The following TMEM181 variants were observed in gnomAD, a reference collection of about 807,000 sequenced individuals.
The protein encoded by TMEM181 is G protein-coupled receptor 178.
A neutral mutation model predicts 71.9 loss-of-function variants in TMEM181; 39 were observed. The ratio of observed to expected loss-of-function variants is 0.54; its 90% CI spans 0.42 to 0.71. The LOEUF (loss-of-function observed/expected upper bound fraction) is 0.71, where lower values mean the gene tolerates loss of function less well. Among genes scored for constraint, TMEM181 ranks in the 30% least tolerant of loss-of-function variants. The pLI is 0.00. For synonymous variants in TMEM181, 245 were observed against 228.8 expected, an observed-to-expected ratio of 1.07 and a Z score of -0.64; for missense variants, 595 against 583.0, an observed-to-expected ratio of 1.02 and a Z score of -0.21.
chr6:158,622,487 C>T (rs1786022632), intron 10 of TMEM181, among the ~76,000 whole-genome samples: 1 of 152,198 alleles, frequency 6.6e-6, no homozygotes, highest in Middle Eastern at 3.4e-3. Context: ...GGGCGAGCCA[C>T]GTTTGCAGCC....
Position 158,633,841 on chromosome 6 carries a change from C to A in TMEM181, c.*1953C>A, listed in dbSNP as rs1257211907. ...GTGTATTGAAAAAAATTTTCTGTTA[C>A]CAAATTTTACAACTTCTAATAAGAC... On this transcript the variant is annotated 3_prime_UTR_variant, in exon 17 of 17. Transcript: ENST00000684151. The A allele has an allele frequency of 1.3e-5, 2 of 151,996 alleles. No individual in the cohort carries two copies. Among genetic ancestry groups the A allele is most frequent in the South Asian group, 2.1e-4 (1 of 4,828 alleles). 9.4% of individuals were successfully genotyped at this position (151,996 alleles called of 1,614,324 possible). A position where few individuals can be genotyped will look rare whatever the true frequency, so the allele number is the denominator to read the frequency against.
intron 15 of TMEM181, among the ~76,000 whole-genome samples, chr6:158,630,210 C>T (rs982006688): frequency 6.6e-6 from 1 of 152,126 alleles, no homozygotes; most frequent in African/African-American, 2.4e-5. Flanking sequence ...AGAGAGTCAC[C>T]ATTTATTACA....
intron 6 of TMEM181, among the ~76,000 whole-genome samples, chr6:158,602,329 CAAAG>C (rs1207227141): frequency 3.3e-5 from 5 of 152,174 alleles, no homozygotes; most frequent in Non-Finnish European, 5.9e-5. Context: ...GGGGCTGTCA[CAAAG>C]AAAGCAGCGA....
chr6:158,538,651 T>G (rs1433830146), intron 1 of TMEM181, among the ~76,000 whole-genome samples: 2 of 152,190 alleles, frequency 1.3e-5, no homozygotes, highest in African/African-American at 4.8e-5. Flanking sequence ...GTTCTAGGCG[T>G]TGTGAATACA....
At chr6:158,574,657 A>G (rs1783061049) in intron 2 of TMEM181, among the ~76,000 whole-genome samples, 1 of 152,178 alleles carries the variant, frequency 6.6e-6, no homozygotes, top group African/African-American at 2.4e-5. Flanking sequence ...GGATTTCTAC[A>G]TCCCCTTCTT....
intron 1 of TMEM181, among the ~76,000 whole-genome samples, chr6:158,537,548 C>A (rs1018745149): frequency 6.6e-6 from 1 of 151,940 alleles, no homozygotes; most frequent in Non-Finnish European, 1.5e-5. Flanking sequence ...TTCCTCTCTG[C>A]GCTCTGCAGT....
chr6:158,602,561 C>CTAA (rs1455996894), intron 6 of TMEM181, among the ~76,000 whole-genome samples: 1 of 151,844 alleles, frequency 6.6e-6, no homozygotes, highest in African/African-American at 2.4e-5. Flanking sequence ...TTTGGCTGTT[C>CTAA]TAATCGGTGT....
Position 158,544,055 on chromosome 6 carries a change from C to T in TMEM181, c.131+7190C>T, listed in dbSNP as rs541728804. ...TCTCAGATCCCTCCTGGCTCTAAAA[C>T]GGAGATAGCAGACTGATAGTGCAGC... On this transcript the variant is annotated intron_variant, in intron 1 of 16. Coordinates refer to the TMEM181 transcript ENST00000367090. Among the ~76,000 whole-genome samples the T allele has an allele frequency of 7.9e-5, 12 of 152,234 alleles. 1 individual carries two copies. In the East Asian group the frequency reaches 2.3e-3, roughly 29 times the overall value.
chr6:158,611,646 G>C (rs1421807266), intron 10 of TMEM181: 1 of 319,092 alleles, frequency 3.1e-6, no homozygotes, highest in African/African-American at 2.2e-5. Flanking sequence ...GACTCCCTGA[G>C]TGCTCTGAAT....
At chr6:158,578,058 C>G (rs1783261907) in intron 2 of TMEM181, among the ~76,000 whole-genome samples, 1 of 152,064 alleles carries the variant, frequency 6.6e-6, no homozygotes, top group Admixed American at 6.5e-5. Context: ...CCATTGCACT[C>G]CAGCCTGGGC....
chr6:158,543,081 T>G (rs897648094), intron 1 of TMEM181, among the ~76,000 whole-genome samples: 2 of 151,872 alleles, frequency 1.3e-5, no homozygotes, highest in Non-Finnish European at 2.9e-5. Flanking sequence ...TTTACCGTGT[T>G]AGCCAGGATA....
intron 7 of TMEM181, among the ~76,000 whole-genome samples, chr6:158,606,551 A>G (rs1007645430): frequency 2.6e-5 from 4 of 152,214 alleles, no homozygotes; most frequent in African/African-American, 9.6e-5. Context: ...GGAAACCCAC[A>G]TTGCCTAGAA....
rs1385324225 is a variant in TMEM181 at position 158,634,388 on chromosome 6, A to G, written c.*2500A>G. 2.0e-5 allele frequency: 3 copies of G among 152,248 alleles called. No individual in the cohort carries two copies. Among genetic ancestry groups the G allele is most frequent in the Non-Finnish European group, 4.4e-5 (3 of 68,044 alleles). The allele number at this position is 152,248 out of a possible 1,614,324, so 9.4% of individuals were successfully genotyped here. A position where few individuals can be genotyped will look rare whatever the true frequency, so the allele number is the denominator to read the frequency against. ...AAGAAAATTGTTGAAGAAAAAATAA[A>G]TTATTTACTGAGGGTAGTTATGTTA... is the stretch of plus-strand genomic sequence containing the variant. On this transcript the variant is annotated 3_prime_UTR_variant, in exon 17 of 17. Coordinates refer to ENST00000684151, the MANE Select transcript of TMEM181 (RefSeq NM_001376852.1).
intron 6 of TMEM181, among the ~76,000 whole-genome samples, chr6:158,593,849 A>AGTT (rs1306560426): frequency 2.4e-4 from 36 of 152,064 alleles, no homozygotes; most frequent in African/African-American, 8.4e-4. Flanking sequence ...AGCCTCCCCC[A>AGTT]TTGTCAGCAT....
intron 6 of TMEM181, among the ~76,000 whole-genome samples, chr6:158,597,865 T>C (rs1231436646): frequency 1.3e-5 from 2 of 152,112 alleles, no homozygotes; most frequent in African/African-American, 2.4e-5. Flanking sequence ...TATGACTTAA[T>C]CACTTTACCA....
intron 1 of TMEM181, among the ~76,000 whole-genome samples, chr6:158,553,590 A>G (rs985366965): frequency 6.6e-6 from 1 of 152,248 alleles, no homozygotes; most frequent in South Asian, 2.1e-4. Context: ...TTATAGTTTT[A>G]TAATCTTTGT....
chr6:158,616,377 A>G (rs1785614746), intron 10 of TMEM181, among the ~76,000 whole-genome samples: 1 of 152,106 alleles, frequency 6.6e-6, no homozygotes, highest in Non-Finnish European at 1.5e-5. Context: ...GCTTAAGGAG[A>G]TTTTGGGCTG....
intron 13 of TMEM181, 154 bp from the exon 14 acceptor site, chr6:158,628,254 C>T (rs1786446986): frequency 1.4e-6 from 1 of 734,182 alleles, no homozygotes; most frequent in Non-Finnish European, 2.4e-6. Context: ...ATGTGTGCAT[C>T]TGTGCGTGCA....
At chr6:158,612,596 G>T (rs1166367006) in intron 10 of TMEM181, among the ~76,000 whole-genome samples, 1 of 152,196 alleles carries the variant, frequency 6.6e-6, no homozygotes, top group African/African-American at 2.4e-5. Context: ...TAATTCATTT[G>T]GTTGTTTTGG....
Sources: allele counts gnomAD v4.1 joint callset (sites outside exome capture counted in the v4.1 genomes callset), GRCh38; gene constraint gnomAD v4.1.1; transcripts MANE v1.5; gene names NCBI Gene and HGNC (gene_info 2026-07-23, HGNC 2026-07-21).